TDRP: variants seen among roughly 807,000 people sequenced by gnomAD.
The protein encoded by TDRP is testis development related protein.
In TDRP, 12 loss-of-function variants were observed where a neutral mutation model predicts 10.5. The observed-to-expected ratio is 1.15, with a 90% CI of 0.73 to 1.86. The LOEUF (loss-of-function observed/expected upper bound fraction) is 1.86. Among genes scored for constraint, TDRP ranks in the 40% most tolerant of loss-of-function variants. The pLI is 0.00. For synonymous variants in TDRP, 139 were observed against 95.4 expected (o/e 1.46, Z -2.67); for missense variants, 353 against 229.2 (o/e 1.54, Z -3.49).
chr8:496,368 T>C lies in TDRP; in HGVS notation c.109-1771A>G, dbSNP rs139205852. ...TCTAGAGGCTAACCCATCTGGACTC[T>C]GGAGGAAGGACCATGTGCAGTCACT... is the stretch of plus-strand genomic sequence containing the variant. On this transcript the variant is annotated intron_variant, in intron 1 of 2. Transcript: ENST00000324079. 7.2e-5 allele frequency among the ~76,000 whole-genome samples: 11 copies of C among 152,348 alleles called. No individual in the cohort carries two copies. The East Asian group carries it at 1.9e-3, about 27-fold the overall frequency.
At chr8:507,272 C>G (rs1801492670) in intron 1 of TDRP, among the ~76,000 whole-genome samples, 1 of 152,106 alleles carries the variant, frequency 6.6e-6, no homozygotes, top group African/African-American at 2.4e-5. Context: ...CATGGGGACA[C>G]AGAGCCAAGC....
chr8:529,220 C>G (rs1802117921), intron 1 of TDRP, among the ~76,000 whole-genome samples: 1 of 152,188 alleles, frequency 6.6e-6, no homozygotes, highest in Non-Finnish European at 1.5e-5. Context: ...TTGCATCCTT[C>G]AATCCAATCA....
At chr8:500,105 G>A (rs892320684) in intron 1 of TDRP, among the ~76,000 whole-genome samples, 12 of 152,172 alleles carry the variant, frequency 7.9e-5, no homozygotes, top group Non-Finnish European at 1.0e-4. Flanking sequence ...GCCGTAAAAC[G>A]CTGGTAATGA....
At chr8:496,654 T>C (rs1402824871) in intron 1 of TDRP, among the ~76,000 whole-genome samples, 1 of 152,184 alleles carries the variant, frequency 6.6e-6, no homozygotes, top group African/African-American at 2.4e-5. Context: ...TAAGCTGTCG[T>C]CACCACCTTC....
At chr8:523,168 C>G (rs967174537) in intron 1 of TDRP, among the ~76,000 whole-genome samples, 23 of 152,000 alleles carry the variant, frequency 1.5e-4, no homozygotes, top group East Asian at 7.7e-4. Context: ...TTTTCTGTAT[C>G]CCCTAGGCAT....
At chr8:523,993 C>T (rs1007223408) in intron 1 of TDRP, among the ~76,000 whole-genome samples, 5 of 152,178 alleles carry the variant, frequency 3.3e-5, no homozygotes, top group South Asian at 2.1e-4. Context: ...GGGCCTTGAG[C>T]GAGATCCAGA....
At chr8:543,245 T>G (rs1002178194) in intron 1 of TDRP, among the ~76,000 whole-genome samples, 4 of 151,978 alleles carry the variant, frequency 2.6e-5, no homozygotes, top group African/African-American at 9.7e-5. Context: ...CCAGGCAGGT[T>G]GAGGCCGTAG....
At chr8:526,071 T>C (rs895942125) in intron 1 of TDRP, among the ~76,000 whole-genome samples, 12 of 152,388 alleles carry the variant, frequency 7.9e-5, no homozygotes, top group East Asian at 1.9e-4. Flanking sequence ...TATTGGCATA[T>C]AGTTGCACAA....
intron 1 of TDRP, among the ~76,000 whole-genome samples, chr8:514,324 T>A (rs537279555): frequency 6.6e-6 from 1 of 152,326 alleles, no homozygotes; most frequent in African/African-American, 2.4e-5. Flanking sequence ...CAATTGATTT[T>A]CAAGAAGAGT....
At chr8:524,144 G>C (rs540577280) in intron 1 of TDRP, among the ~76,000 whole-genome samples, 78 of 152,318 alleles carry the variant, frequency 5.1e-4, no homozygotes, top group African/African-American at 1.9e-3. Context: ...AAAACAACAA[G>C]AGTTTCTGCC....
At chr8:533,644 T>C (rs1425255834) in intron 1 of TDRP, among the ~76,000 whole-genome samples, 1 of 152,182 alleles carries the variant, frequency 6.6e-6, no homozygotes, top group African/African-American at 2.4e-5. Context: ...TTACTCAGAA[T>C]TCTTCAACAT....
intron 1 of TDRP, among the ~76,000 whole-genome samples, chr8:498,631 G>C (rs1801200468): frequency 6.6e-6 from 1 of 152,162 alleles, no homozygotes; most frequent in African/African-American, 2.4e-5. Flanking sequence ...TAAGATTTTG[G>C]GGGATTGTTG....
rs185646722 is a variant in TDRP, at chr8:541,591, G to A, written c.108+3059C>T. Among the ~76,000 whole-genome samples, 197 of 152,242 alleles carry A rather than the reference G, an allele frequency of 1.3e-3. 3 individuals are homozygous for A. The Middle Eastern group carries it at 0.031, about 24-fold the overall frequency. ...ATCAAACCACCTAATTAAAAAATGCGGAGAAAGATCTAAACAGACACCTCA... is the reference window on the plus strand; with the variant it reads ...ATCAAACCACCTAATTAAAAAATGCAGAGAAAGATCTAAACAGACACCTCA... On this transcript the variant is annotated intron_variant, in intron 1 of 2. Coordinates refer to ENST00000324079, the MANE Select transcript of TDRP (RefSeq NM_001384899.1).
At chr8:495,624 C>G (rs1801107074) in intron 1 of TDRP, among the ~76,000 whole-genome samples, 1 of 152,160 alleles carries the variant, frequency 6.6e-6, no homozygotes, top group Non-Finnish European at 1.5e-5. Context: ...CATCACATTG[C>G]TAGGGCTGGG....
chr8:541,297 A>AT (rs1285279524), intron 1 of TDRP, among the ~76,000 whole-genome samples: 1 of 152,242 alleles, frequency 6.6e-6, no homozygotes, highest in Non-Finnish European at 1.5e-5. Context: ...ATAAAGTAAC[A>AT]TAAAAACCAC....
At chr8:519,986 G>A (rs185138847) in intron 1 of TDRP, among the ~76,000 whole-genome samples, 5 of 152,320 alleles carry the variant, frequency 3.3e-5, no homozygotes, top group Admixed American at 1.3e-4. Context: ...AAATAAATGC[G>A]TGTAAGGCAC....
chr8:503,823 C>G (rs1437895781), intron 1 of TDRP, among the ~76,000 whole-genome samples: 2 of 143,060 alleles, frequency 1.4e-5, no homozygotes, highest in Non-Finnish European at 3.2e-5. Flanking sequence ...AATATGGAAT[C>G]AAGAGCCACA....
intron 1 of TDRP, among the ~76,000 whole-genome samples, chr8:512,735 T>C (rs531985473): frequency 1.3e-5 from 2 of 152,104 alleles, no homozygotes; most frequent in African/African-American, 4.8e-5. Context: ...AGCATTTTTG[T>C]AGGCAAAGGT....
chr8:520,873 T>C (rs949529558), intron 1 of TDRP, among the ~76,000 whole-genome samples: 4 of 152,168 alleles, frequency 2.6e-5, no homozygotes, highest in African/African-American at 9.7e-5. Flanking sequence ...GAAATATTTA[T>C]CCCATTCCAA....
Sources: gnomAD v4.1 joint callset for allele counts (sites outside exome capture counted in the v4.1 genomes callset) on GRCh38, gnomAD v4.1.1 for gene constraint, MANE v1.5 for transcripts, NCBI Gene and HGNC (gene_info 2026-07-23, HGNC 2026-07-21) for gene names.